Variants in NFATC1 observed in about 807,000 individuals in gnomAD.
The protein encoded by NFATC1 is nuclear factor of activated T cells 1.
NFATC1 carries 22 observed loss-of-function variants against 76.0 expected under a neutral mutation model. The observed-to-expected ratio is 0.29, with a 90% CI of 0.21 to 0.41. NFATC1 has a LOEUF of 0.41. NFATC1 is among the 10% of genes least tolerant of loss of function. The pLI is 1.00. For missense variants in NFATC1, 1,357 were observed against 1,337.7 expected, an observed-to-expected ratio of 1.01 and a Z score of -0.23; for synonymous variants, 704 against 613.1, an observed-to-expected ratio of 1.15 and a Z score of -2.19.
chr18:79,437,873 C>T (rs757534663), intron 3 of NFATC1, among the ~76,000 whole-genome samples: 5 of 152,246 alleles, frequency 3.3e-5, no homozygotes, highest in African/African-American at 4.8e-5. Context: ...CCTCTGCCCT[C>T]AGCGCTGCTC....
In NFATC1 at chr18:79,461,289, G is replaced by A. The variant is rs563997787; in HGVS notation, c.1904-22G>A. On this transcript the variant is annotated intron_variant, in intron 6 of 9. Coordinates refer to ENST00000427363, the MANE Select transcript of NFATC1 (RefSeq NM_001278669.2). ...CTCCCCACCACACAGAGTCACAGAC[G>A]TTTCCTGCTCCTTTCTTCCAGATGG... is the stretch of plus-strand genomic sequence containing the variant. 294 of 1,613,956 alleles carry A rather than the reference G, an allele frequency of 1.8e-4. 2 individuals are homozygous for A. In the South Asian group the frequency reaches 2.9e-3, roughly 16 times the overall value.
At chr18:79,485,955 A>G (rs1023209539) in intron 8 of NFATC1, among the ~76,000 whole-genome samples, 1 of 152,234 alleles carries the variant, frequency 6.6e-6, no homozygotes, top group South Asian at 2.1e-4. Flanking sequence ...CTGCAAACCC[A>G]CAGGCCCCTG....
intron 9 of NFATC1, among the ~76,000 whole-genome samples, chr18:79,491,987 G>A (rs1179491361): frequency 2.0e-5 from 3 of 152,212 alleles, no homozygotes; most frequent in Admixed American, 6.5e-5. Context: ...GGCTCCTCAC[G>A]CCCAGTGATG....
At chr18:79,397,355 G>A (rs1200097216) in intron 1 of NFATC1, among the ~76,000 whole-genome samples, 2 of 152,208 alleles carry the variant, frequency 1.3e-5, no homozygotes, top group East Asian at 3.8e-4. Flanking sequence ...ACTTCATAAG[G>A]GCAGACGTCC....
At chr18:79,403,574 C>T (rs1377147641) in intron 1 of NFATC1, among the ~76,000 whole-genome samples, 3 of 152,280 alleles carry the variant, frequency 2.0e-5, no homozygotes, top group South Asian at 4.1e-4. Context: ...TGGCTGCTGC[C>T]AGCACTGTCG....
intron 9 of NFATC1, among the ~76,000 whole-genome samples, chr18:79,516,562 G>A (rs1372034139): frequency 1.3e-5 from 2 of 152,200 alleles, no homozygotes; most frequent in Non-Finnish European, 2.9e-5. Context: ...CGGGCGCCCA[G>A]CAGTGTCGGA....
intron 2 of NFATC1, among the ~76,000 whole-genome samples, chr18:79,432,645 G>A (rs760808295): frequency 2.0e-4 from 30 of 152,322 alleles, no homozygotes; most frequent in Admixed American, 4.6e-4. Context: ...CAGAGGCGCC[G>A]GCCTCTTGCA....
At position 79,500,354 on chromosome 18, in the gene NFATC1, AAC is replaced by A. The variant is rs376660360; in HGVS notation, c.2782+13421_2782+13422del. On this transcript the variant is annotated intron_variant, in intron 9 of 9. Coordinates refer to ENST00000427363, the MANE Select transcript of NFATC1 (RefSeq NM_001278669.2). Reference sequence around the variant, plus strand: ...ATATTTTGAACTAAATGCAAATGAAAACACAACATATCAAAATTTGTGGGATG... The same window carrying A: ...ATATTTTGAACTAAATGCAAATGAAAACAACATATCAAAATTTGTGGGATG... 6.0e-3 allele frequency among the ~76,000 whole-genome samples: 920 copies of A among 152,302 alleles called. 7 individuals are homozygous for A. The highest frequency in any genetic ancestry group is 0.024 in the Middle Eastern group (7 of 294).
intron 8 of NFATC1, among the ~76,000 whole-genome samples, chr18:79,485,613 G>A (rs2089470323): frequency 6.6e-6 from 1 of 151,850 alleles, no homozygotes; most frequent in Admixed American, 6.6e-5. Flanking sequence ...GACTTTTAGG[G>A]AGGGCTGGGT....
At chr18:79,401,166 T>TGGGCCTGGGC (rs1457715154) in intron 1 of NFATC1, among the ~76,000 whole-genome samples, 2 of 149,780 alleles carry the variant, frequency 1.3e-5, no homozygotes. Context: ...TGGGCCCCTC[T>TGGGCCTGGGC]CCCGCTGCCC....
chr18:79,414,646 T>C (rs7240932), intron 2 of NFATC1, among the ~76,000 whole-genome samples: 22,264 of 152,166 alleles, frequency 0.15, 1,726 homozygotes, highest in East Asian at 0.2. Flanking sequence ...AGCGGAATGA[T>C]GTGTCTATTG....
intron 1 of NFATC1, among the ~76,000 whole-genome samples, chr18:79,407,165 T>C (rs1280612851): frequency 1.3e-5 from 2 of 152,224 alleles, no homozygotes; most frequent in South Asian, 2.1e-4. Flanking sequence ...TCCAGGCTCA[T>C]TTTTAGAAAG....
chr18:79,479,042 CACCGCAGCCAGCCT>C (rs2089182621), intron 8 of NFATC1, among the ~76,000 whole-genome samples: 1 of 152,232 alleles, frequency 6.6e-6, no homozygotes, highest in African/African-American at 2.4e-5. Flanking sequence ...CTGCCATGGA[CACCGCAGCCAGCCT>C]GCTCTGTGGG....
chr18:79,447,522 G>A (rs1288065165), intron 3 of NFATC1, among the ~76,000 whole-genome samples: 1 of 152,214 alleles, frequency 6.6e-6, no homozygotes, highest in Non-Finnish European at 1.5e-5. Context: ...AGGATGAGTG[G>A]TTCCCGGGGC....
intron 8 of NFATC1, among the ~76,000 whole-genome samples, chr18:79,482,390 C>T (rs1483496273): frequency 8.4e-5 from 8 of 95,396 alleles, no homozygotes; most frequent in East Asian, 3.6e-4. Flanking sequence ...TGGGGTGTCA[C>T]TCCAGCATGA....
rs769300937 is a variant in NFATC1, at chr18:79,486,588, C to T, written c.2433C>T (p.Pro811=). The T allele has an allele frequency of 1.9e-5, 30 of 1,589,078 alleles. No individual in the cohort carries two copies. Among genetic ancestry groups the T allele is most frequent in the Middle Eastern group, 1.7e-4 (1 of 6,026 alleles). ...TGCCCAGGCCAGTGGCCACGCACCCCGGCTCGCCCGGGCAGCCACCCCCGG... is the reference window on the plus strand; with the variant it reads ...TGCCCAGGCCAGTGGCCACGCACCCTGGCTCGCCCGGGCAGCCACCCCCGG... The part of the protein sequence containing the change: ...QDVPRPVATH[P]GSPGQPPPAL... Residue 811 remains proline, a synonymous_variant, in exon 9 of 10, where the codon CCC becomes CCT. Transcript: ENST00000427363.
At chr18:79,456,639 C>T (rs571675689) in intron 6 of NFATC1, among the ~76,000 whole-genome samples, 2 of 152,350 alleles carry the variant, frequency 1.3e-5, no homozygotes, top group Admixed American at 6.5e-5. Flanking sequence ...CTGCCCCTTT[C>T]GGCCCTTGCT....
chr18:79,522,586 G>A (rs1045081447), intron 9 of NFATC1, among the ~76,000 whole-genome samples: 5 of 151,948 alleles, frequency 3.3e-5, no homozygotes, highest in Non-Finnish European at 7.4e-5. Flanking sequence ...GTTAAAAGGC[G>A]CACACCGCAG....
intron 1 of NFATC1, chr18:79,400,504 G>A (rs1160508154): frequency 1.2e-5 from 17 of 1,400,954 alleles, no homozygotes; most frequent in African/African-American, 4.6e-5. Context: ...GAGGGCGCGG[G>A]GGGCGCGGGG....
Sources: gnomAD v4.1 joint callset for allele counts (sites outside exome capture counted in the v4.1 genomes callset) on GRCh38, gnomAD v4.1.1 for gene constraint, MANE v1.5 for transcripts, NCBI Gene and HGNC (gene_info 2026-07-23, HGNC 2026-07-21) for gene names.